CHIC1: variants seen among roughly 807,000 people sequenced by gnomAD.
CHIC1 encodes the protein cysteine-rich hydrophobic domain-containing protein 1.
Under a neutral mutation model 18.5 loss-of-function variants are expected in CHIC1, and 7 were observed. That is an observed-to-expected ratio of 0.38 (90% CI 0.22 to 0.71). The LOEUF is 0.71. Among genes scored for constraint, CHIC1 ranks in the 30% least tolerant of loss-of-function variants. The probability of loss-of-function intolerance (pLI) is 0.49; values close to 1 mark genes in which losing one functional copy is unlikely to be tolerated. For synonymous variants in CHIC1, 77 were observed against 73.5 expected, an observed-to-expected ratio of 1.05 and a Z score of -0.25; for missense variants, 159 against 176.9, an observed-to-expected ratio of 0.90 and a Z score of 0.57.
intron 3 of CHIC1, among the ~76,000 whole-genome samples, chrX:73,604,528 A>T (rs1219545385): frequency 1.4e-4 from 15 of 107,605 alleles, no homozygotes; most frequent in Non-Finnish European, 2.8e-4. Flanking sequence ...GATCTTAATT[A>T]TTTCTTGCCT....
chrX:73,611,174 C>A (rs1248160000), intron 3 of CHIC1, among the ~76,000 whole-genome samples: 1 of 107,699 alleles, frequency 9.3e-6, no homozygotes, highest in African/African-American at 3.6e-5. Flanking sequence ...TCCCCTCTCC[C>A]ACACCCCACA....
chrX:73,651,110 C>T (rs2057914150), intron 3 of CHIC1, among the ~76,000 whole-genome samples: 1 of 111,827 alleles, frequency 8.9e-6, no homozygotes. Context: ...TCAATAGATG[C>T]AGAAAAGGCC....
chrX:73,667,429 G>A (rs2058009548), intron 3 of CHIC1, among the ~76,000 whole-genome samples: 1 of 111,401 alleles, frequency 9.0e-6, no homozygotes, highest in Non-Finnish European at 1.9e-5. Context: ...TTGTTTATGT[G>A]ATTGCTTCAT....
At chrX:73,591,122 G>A (rs1357032400) in intron 3 of CHIC1, among the ~76,000 whole-genome samples, 1 of 111,460 alleles carries the variant, frequency 9.0e-6, no homozygotes, top group Non-Finnish European at 1.9e-5. Flanking sequence ...TGTGGATTTT[G>A]GCCATTCTAA....
At chrX:73,599,947 G>C (rs2057634856) in intron 3 of CHIC1, among the ~76,000 whole-genome samples, 1 of 96,320 alleles carries the variant, frequency 1.0e-5, no homozygotes, top group Non-Finnish European at 2.0e-5. Flanking sequence ...TCACGATATT[G>C]ATTCTTCCTA....
chrX:73,675,872 G>A (rs1335585195), intron 3 of CHIC1, among the ~76,000 whole-genome samples: 1 of 110,321 alleles, frequency 9.1e-6, no homozygotes, highest in Non-Finnish European at 1.9e-5. Context: ...GCTGGTACCG[G>A]TTGTTCCTTT....
chrX:73,642,129 C>T (rs1329476605), intron 3 of CHIC1, among the ~76,000 whole-genome samples: 2 of 111,682 alleles, frequency 1.8e-5, no homozygotes, highest in African/African-American at 3.3e-5. Context: ...GTTTACAATC[C>T]CACCAACAGT....
chrX:73,667,216 A>C (rs2058008467), intron 3 of CHIC1, among the ~76,000 whole-genome samples: 2 of 111,205 alleles, frequency 1.8e-5, no homozygotes, highest in Non-Finnish European at 3.8e-5. Flanking sequence ...ATTTTCTTCC[A>C]TCCCTTTATT....
chrX:73,626,414 A>C (rs2057783808), intron 3 of CHIC1, among the ~76,000 whole-genome samples: 1 of 111,171 alleles, frequency 9.0e-6, no homozygotes, highest in African/African-American at 3.3e-5. Flanking sequence ...CTCCTTTTTA[A>C]GGCCAATAAC....
chrX:73,645,384 C>T (rs896696862), intron 3 of CHIC1, among the ~76,000 whole-genome samples: 7 of 111,708 alleles, frequency 6.3e-5, no homozygotes, highest in African/African-American at 2.3e-4. Context: ...AGTTCAGATA[C>T]CCATTTGTCA....
At position 73,629,193 on chromosome X, in the gene CHIC1, T is replaced by C. The variant is rs139157552; in HGVS notation, c.507+44621T>C. ...TTATTTTTCTTTCATGATGTTCTTATATATTTTGGATGTTAACCTCATATC... is the reference window on the plus strand; with the variant it reads ...TTATTTTTCTTTCATGATGTTCTTACATATTTTGGATGTTAACCTCATATC... On this transcript the variant is annotated intron_variant, in intron 3 of 5. Coordinates refer to ENST00000373502, the MANE Select transcript of CHIC1 (RefSeq NM_001039840.4). Among the ~76,000 whole-genome samples, 152 of 111,659 alleles carry C rather than the reference T, an allele frequency of 1.4e-3. 1 individual carries two copies. Among genetic ancestry groups the C allele is most frequent in the Non-Finnish European group, 4.0e-4 (21 of 53,122 alleles).
rs761402623 is a variant in CHIC1, at chrX:73,617,297, A to G, written c.507+32725A>G. On this transcript the variant is annotated intron_variant, in intron 3 of 5. Coordinates refer to ENST00000373502, the MANE Select transcript of CHIC1 (RefSeq NM_001039840.4). Reference sequence around the variant, plus strand: ...CCTCAGCCTGGATTTCATTGTCCATATTATTATTAGCATTTTGGTCAAAGC... The same window carrying G: ...CCTCAGCCTGGATTTCATTGTCCATGTTATTATTAGCATTTTGGTCAAAGC... 1.2e-4 allele frequency among the ~76,000 whole-genome samples: 13 copies of G among 111,671 alleles called. No homozygotes were observed. The East Asian group carries it at 3.6e-3, about 31-fold the overall frequency.
chrX:73,683,763 G>GCC lies in CHIC1; in HGVS notation c.*2760_*2761dup, dbSNP rs202243058. 4.4e-4 allele frequency: 49 copies of GCC among 111,375 alleles called. No homozygotes were observed. In the East Asian group the frequency reaches 0.013, roughly 29 times the overall value. The allele number at this position is 111,375 out of a possible 1,213,427, so 9.2% of individuals were successfully genotyped here. On this transcript the variant is annotated 3_prime_UTR_variant, in exon 6 of 6. Transcript: ENST00000373502. Reference sequence around the variant, plus strand: ...TTAATGTTCCAATGTTTCTCATTTGGCCCAAGATTCTGGCTTCATAAATTT... The same window carrying GCC: ...TTAATGTTCCAATGTTTCTCATTTGGCCCCCAAGATTCTGGCTTCATAAATTT...
At chrX:73,612,703 T>A (rs2057714739) in intron 3 of CHIC1, among the ~76,000 whole-genome samples, 1 of 112,242 alleles carries the variant, frequency 8.9e-6, no homozygotes, top group African/African-American at 3.2e-5. Flanking sequence ...TTAAAATTTG[T>A]TGATACTTGT....
Position 73,684,837 on chromosome X carries a change from AAATG to A in CHIC1, c.*3838_*3841del, listed in dbSNP as rs755060200. 51 of 111,480 alleles carry A rather than the reference AAATG, an allele frequency of 4.6e-4. No individual in the cohort carries two copies. The highest frequency in any genetic ancestry group is 8.9e-4 in the Non-Finnish European group (47 of 52,929). 9.2% of individuals were successfully genotyped at this position (111,480 alleles called of 1,213,427 possible). ...ACAATTGATATATATCTGTATGTAAAAATGAATGATCTTATCTTGCCCCAAATTT... is the reference window on the plus strand; with the variant it reads ...ACAATTGATATATATCTGTATGTAAAAATGATCTTATCTTGCCCCAAATTT... On this transcript the variant is annotated 3_prime_UTR_variant, in exon 6 of 6. Transcript: ENST00000373502.
chrX:73,649,578 C>T (rs2057905594), intron 3 of CHIC1, among the ~76,000 whole-genome samples: 1 of 111,497 alleles, frequency 9.0e-6, no homozygotes, highest in South Asian at 3.8e-4. Flanking sequence ...CAACAAAGAT[C>T]AAAACAGACA....
chrX:73,648,589 G>T (rs1488991139), intron 3 of CHIC1, among the ~76,000 whole-genome samples: 1 of 111,673 alleles, frequency 9.0e-6, no homozygotes, highest in Non-Finnish European at 1.9e-5. Context: ...ATCAACAGCT[G>T]AATTGACCAA....
At chrX:73,676,700 G>C (rs141258723) in intron 3 of CHIC1, among the ~76,000 whole-genome samples, 64 of 111,661 alleles carry the variant, frequency 5.7e-4, no homozygotes, top group African/African-American at 2.0e-3. Context: ...ACTCAGAGTA[G>C]TTTGATCATT....
intron 3 of CHIC1, among the ~76,000 whole-genome samples, chrX:73,604,630 T>G (rs2057670095): frequency 9.2e-6 from 1 of 109,277 alleles, no homozygotes; most frequent in Non-Finnish European, 1.9e-5. Flanking sequence ...CTGCTTTCTC[T>G]TGTGGGCATT....
Sources: gnomAD v4.1 joint callset for allele counts (sites outside exome capture counted in the v4.1 genomes callset) on GRCh38, gnomAD v4.1.1 for gene constraint, MANE v1.5 for transcripts, NCBI Gene and HGNC (gene_info 2026-07-23, HGNC 2026-07-21) for gene names.